Variants in DIS3L observed in about 807,000 individuals in gnomAD.
The protein encoded by DIS3L is DIS3-like exonuclease 1.
A neutral mutation model predicts 120.3 loss-of-function variants in DIS3L; 100 were observed. The ratio of observed to expected loss-of-function variants is 0.83; its 90% CI spans 0.71 to 0.98. The LOEUF (loss-of-function observed/expected upper bound fraction) is 0.98, where lower values mean the gene tolerates loss of function less well. Ranked by LOEUF, DIS3L falls within the 50% of genes least tolerant of loss-of-function variation. The pLI, the probability that DIS3L is intolerant of heterozygous loss-of-function variation, is 0.00. For synonymous variants in DIS3L, 426 were observed against 470.6 expected (o/e 0.91, Z 1.23); for missense variants, 1,196 against 1,314.2 (o/e 0.91, Z 1.39).
rs1282187201 is a variant in DIS3L at position 66,309,088 on chromosome 15, AAAAAAAATATATATATCTCC to A, written c.558+247_558+266del. On this transcript the variant is annotated intron_variant, in intron 4 of 16. Coordinates refer to ENST00000319212, the MANE Select transcript of DIS3L (RefSeq NM_001143688.3). ...TGAGACCTTGTCTCTACAGAAAAAA[AAAAAAAATATATATATCTCC>A]AAGCATGGTGGCACGCACCTGTAGT... is the stretch of plus-strand genomic sequence containing the variant. Among the ~76,000 whole-genome samples the A allele has an allele frequency of 6.2e-3, 5 of 808 alleles. No homozygotes were observed. In the East Asian group the frequency reaches 0.5, roughly 81 times the overall value. The allele number at this position is 808 out of a possible 152,430, so 0.5% of individuals were successfully genotyped here.
rs577671966 is a variant in DIS3L, at chr15:66,313,861, GTGTGTATATATATATATA to G, written c.736-172_736-155del. ...TGTATATGTGTGTGCGTATATATAT[GTGTGTATATATATATATA>G]TGTGTGTGTATATATATATATATAG... On this transcript the variant is annotated intron_variant, in intron 5 of 16. Coordinates refer to ENST00000319212, the MANE Select transcript of DIS3L (RefSeq NM_001143688.3). Among the ~76,000 whole-genome samples, 692 of 112,654 alleles carry G rather than the reference GTGTGTATATATATATATA, an allele frequency of 6.1e-3. 3 individuals are homozygous for G. Among genetic ancestry groups the G allele is most frequent in the Middle Eastern group, 0.015 (3 of 200 alleles). The allele number at this position is 112,654 out of a possible 152,430, so 73.9% of individuals were successfully genotyped here.
rs2093003420 is a variant in DIS3L at position 66,331,988 on chromosome 15, T to G, written c.2649T>G (p.Ile883Met). ...RCISDGVIYS[I>M]RTNGVLLFIP... ...TATCTGACGGAGTTATTTATTCAAT[T>G]AGAACAAATGGTGTGCTTCTATTTA... Residue 883 changes from isoleucine (I) to methionine (M), a missense_variant, in exon 15 of 17, where the codon ATT (isoleucine) becomes ATG (methionine). By Grantham distance (10) the Ile-to-Met change is conservative. Transcript: ENST00000319212. 6.2e-7 allele frequency: 1 copy of G among 1,612,248 alleles called. No homozygotes were observed. Among genetic ancestry groups the G allele is most frequent in the Admixed American group, 1.7e-5 (1 of 59,924 alleles).
chr15:66,293,595 C>A lies in DIS3L; in HGVS notation c.-2C>A. ...TCCGCGGCCGCCGGGAGACACGCCG[C>A]CATGCTGCAGAAGCGGGAGAAGGTG... On this transcript the variant is annotated 5_prime_UTR_variant, in exon 1 of 17. Coordinates refer to ENST00000319212, the MANE Select transcript of DIS3L (RefSeq NM_001143688.3). 7.0e-7 allele frequency: 1 copy of A among 1,434,302 alleles called. No individual in the cohort carries two copies. Among genetic ancestry groups the A allele is most frequent in the East Asian group, 3.3e-5 (1 of 30,614 alleles). 88.8% of individuals were successfully genotyped at this position (1,434,302 alleles called of 1,614,324 possible).
At position 66,309,094 on chromosome 15, in the gene DIS3L, A is replaced by AAATATATATATATAT; in HGVS notation, c.558+251_558+252insATATATATATATATA. On this transcript the variant is annotated intron_variant, in intron 4 of 16. Coordinates refer to ENST00000319212, the MANE Select transcript of DIS3L (RefSeq NM_001143688.3). ...CTTGTCTCTACAGAAAAAAAAAAAAAATATATATATCTCCAAGCATGGTGG... is the reference window on the plus strand; with the variant it reads ...CTTGTCTCTACAGAAAAAAAAAAAAAAATATATATATATATATATATATATCTCCAAGCATGGTGG... 6.5e-4 allele frequency among the ~76,000 whole-genome samples: 10 copies of AAATATATATATATAT among 15,320 alleles called. 2 individuals are homozygous for AAATATATATATATAT. Among genetic ancestry groups the AAATATATATATATAT allele is most frequent in the African/African-American group, 1.4e-3 (7 of 5,122 alleles). 10.1% of individuals were successfully genotyped at this position (15,320 alleles called of 152,430 possible).
chr15:66,312,665 T>C (rs2092774101), intron 5 of DIS3L, among the ~76,000 whole-genome samples: 6 of 152,242 alleles, frequency 3.9e-5, no homozygotes, highest in African/African-American at 1.4e-4. Context: ...AGGAATCAGA[T>C]ACAATTTTTA....
intron 14 of DIS3L, among the ~76,000 whole-genome samples, chr15:66,330,786 T>C (rs984151559): frequency 2.6e-5 from 4 of 152,188 alleles, no homozygotes; most frequent in Non-Finnish European, 5.9e-5. Flanking sequence ...GATACACTTA[T>C]ACAGACATTT....
Position 66,314,081 on chromosome 15 carries a change from T to G in DIS3L, c.778T>G (p.Phe260Val). 6.5e-7 allele frequency: 1 copy of G among 1,530,206 alleles called. No individual in the cohort carries two copies. The highest frequency in any genetic ancestry group is 8.7e-7 in the Non-Finnish European group (1 of 1,145,308). The allele number at this position is 1,530,206 out of a possible 1,614,324, so 94.8% of individuals were successfully genotyped here. A position where few individuals can be genotyped will look rare whatever the true frequency, so the allele number is the denominator to read the frequency against. ...VNKHRAQIEAFVRLQGASSKD... is the reference protein window; with the variant it reads ...VNKHRAQIEAVVRLQGASSKD... ...CAAACACAGAGCCCAAATAGAAGCT[T>G]TTGTTCGACTTCAAGGAGCCAGCAG... The change falls in exon 6 of 17, where the codon TTT becomes GTT. Residue 260 changes from phenylalanine (F) to valine (V), a missense_variant. Phe to Val is a conservative substitution (Grantham distance 50, BLOSUM62 -1). Coordinates refer to ENST00000319212, the MANE Select transcript of DIS3L (RefSeq NM_001143688.3).
In DIS3L at chr15:66,333,055, G is replaced by A. The variant is rs781522481; in HGVS notation, c.2908G>A (p.Glu970Lys). 1.6e-5 allele frequency: 26 copies of A among 1,613,156 alleles called. 1 individual carries two copies. In the South Asian group the frequency reaches 2.6e-4, roughly 16 times the overall value. The change falls in exon 17 of 17, where the codon GAA becomes AAA. Residue 970 changes from glutamate to lysine, a missense_variant. Physicochemically the swap from Glu to Lys is moderately conservative, Grantham distance 56 (BLOSUM62 1). Coordinates refer to ENST00000319212, the MANE Select transcript of DIS3L (RefSeq NM_001143688.3). ...SRCHSDTIRLEIISNKPYKIP... is the reference protein window; with the variant it reads ...SRCHSDTIRLKIISNKPYKIP... ...TTGCCATTCTGATACAATCAGACTT[G>A]AAATAATTAGTAACAAACCATACAA...
chr15:66,318,859 C>CTCAGCTCA (rs1435701571), intron 8 of DIS3L, among the ~76,000 whole-genome samples: 6 of 152,104 alleles, frequency 3.9e-5, no homozygotes, highest in Non-Finnish European at 8.8e-5. Flanking sequence ...GTGGCGTGAT[C>CTCAGCTCA]TCAGCTCATT....
In DIS3L at chr15:66,321,577, CATG is replaced by C. The variant is rs563702208; in HGVS notation, c.1326+850_1326+852del. ...AGGAGTTTGAGACCAGCCTGGCCAA[CATG>C]ATGAAACCCCGTCTCTACTAAAAAC... On this transcript the variant is annotated intron_variant, in intron 9 of 16. Coordinates refer to ENST00000319212, the MANE Select transcript of DIS3L (RefSeq NM_001143688.3). Among the ~76,000 whole-genome samples, 10 of 152,136 alleles carry C rather than the reference CATG, an allele frequency of 6.6e-5. No homozygotes were observed. The South Asian group carries it at 2.1e-3, about 32-fold the overall frequency.
chr15:66,305,628 G>T (rs1257023862), intron 2 of DIS3L, among the ~76,000 whole-genome samples: 1 of 152,002 alleles, frequency 6.6e-6, no homozygotes, highest in East Asian at 1.9e-4. Context: ...GGGCTTAAAG[G>T]ACCCTCCTGC....
chr15:66,295,180 T>A, intron 2 of DIS3L, 39 bp downstream of exon 2: 1 of 1,581,458 alleles, frequency 6.3e-7, no homozygotes, highest in Non-Finnish European at 8.6e-7. Flanking sequence ...ATGGCATAGG[T>A]TCCCCCCACC....
chr15:66,306,365 C>T (rs1307872450), intron 2 of DIS3L, among the ~76,000 whole-genome samples: 2 of 152,174 alleles, frequency 1.3e-5, no homozygotes, highest in African/African-American at 4.8e-5. Flanking sequence ...AACTTATTTA[C>T]CTTACATGTT....
chr15:66,317,536 G>A lies in DIS3L; in HGVS notation c.995-913G>A, dbSNP rs958158634. ...ACTGAAAACGCGCAGTTGAGGGCAC[G>A]GTTTAAAACAAGAGTGAAAATCATT... On this transcript the variant is annotated intron_variant, in intron 7 of 16. Transcript: ENST00000319212. Among the ~76,000 whole-genome samples the A allele has an allele frequency of 5.6e-4, 85 of 151,914 alleles. 1 individual carries two copies. Among genetic ancestry groups the A allele is most frequent in the Non-Finnish European group, 3.2e-4 (22 of 68,014 alleles).
chr15:66,332,176 G>C (rs1259763725), intron 15 of DIS3L, among the ~76,000 whole-genome samples, 156 bp downstream of exon 15: 2 of 152,154 alleles, frequency 1.3e-5, no homozygotes, highest in Non-Finnish European at 2.9e-5. Context: ...GTGAAGATTG[G>C]AGGCCAGGGG....
rs1566932489 is a variant in DIS3L, at chr15:66,296,558, C to T, written c.293+1417C>T. On this transcript the variant is annotated intron_variant, in intron 2 of 16. Coordinates refer to ENST00000319212, the MANE Select transcript of DIS3L (RefSeq NM_001143688.3). ...TTGAGATGGAGTCTGGCTCTGTCGC[C>T]CAGGCTAGAGTACAGTGGCGTGATT... is the stretch of plus-strand genomic sequence containing the variant. Among the ~76,000 whole-genome samples the T allele has an allele frequency of 2.7e-5, 4 of 150,436 alleles. No homozygotes were observed. The South Asian group carries it at 8.5e-4, about 32-fold the overall frequency.
Position 66,325,958 on chromosome 15 carries a change from G to A in DIS3L, c.1795G>A (p.Gly599Arg), listed in dbSNP as rs1470448571. Residue 599 changes from glycine to arginine, a missense_variant, in exon 12 of 17, where the codon GGA becomes AGA. By Grantham distance (125) the Gly-to-Arg change is moderately radical (BLOSUM62 -2). Transcript: ENST00000319212. ...FYEAAQELLD[G>R]NLSVVDDIPE... ...TGAAGCAGCCCAAGAACTACTGGAT[G>A]GAAACTTAAGCGTTGTTGATGATAT... 6.2e-7 allele frequency: 1 copy of A among 1,614,144 alleles called. No individual in the cohort carries two copies. The highest frequency in any genetic ancestry group is 8.5e-7 in the Non-Finnish European group (1 of 1,180,024).
At chr15:66,294,052 G>A (rs2092555989) in intron 1 of DIS3L, 1 of 986,902 alleles carries the variant, frequency 1.0e-6, no homozygotes, top group Non-Finnish European at 1.2e-6. Context: ...CGGAAGCCGA[G>A]GCCTCCTCCC....
intron 2 of DIS3L, among the ~76,000 whole-genome samples, chr15:66,306,586 T>C (rs1245332539): frequency 2.0e-5 from 3 of 152,306 alleles, no homozygotes; most frequent in Middle Eastern, 3.4e-3. Context: ...AGGAGTTTAA[T>C]TGATCTGCAA....
Sources: gnomAD v4.1 joint callset for allele counts (sites outside exome capture counted in the v4.1 genomes callset) on GRCh38, gnomAD v4.1.1 for gene constraint, MANE v1.5 for transcripts, NCBI Gene and HGNC (gene_info 2026-07-23, HGNC 2026-07-21) for gene names.